Variants in TMPO observed in about 807,000 individuals in gnomAD.
The protein encoded by TMPO is thymopoietin, also known as LEM domain containing 4.
TMPO carries 22 observed loss-of-function variants against 45.4 expected under a neutral mutation model. The observed-to-expected ratio is 0.48, with a 90% confidence interval of 0.35 to 0.69. TMPO has a LOEUF of 0.69. TMPO is among the 30% of genes least tolerant of loss of function. The pLI, the probability that TMPO is intolerant of heterozygous loss-of-function variation, is 0.01. For synonymous variants in TMPO, 241 were observed against 204.1 expected (o/e 1.18, Z -1.54); for missense variants, 512 against 548.8 (o/e 0.93, Z 0.67).
rs968127669 is a variant in TMPO at position 98,516,603 on chromosome 12, ACT to A, written c.279+460_279+461del. On this transcript the variant is annotated intron_variant, in intron 1 of 8. Coordinates refer to ENST00000556029, the MANE Select transcript of TMPO (RefSeq NM_001032283.3). ...CGCTCCCTGGAGGGCAACTGATGAC[ACT>A]CTAATTTCTAACCAAAATTTGAAAT... The A allele has an allele frequency of 3.5e-5, 33 of 950,316 alleles. No homozygotes were observed. The African/African-American group carries it at 4.9e-4, about 14-fold the overall frequency. 58.9% of individuals were successfully genotyped at this position (950,316 alleles called of 1,614,324 possible).
rs1324841132 is a variant in TMPO, at chr12:98,545,072, A to G, written c.990+11A>G. ...TTGACAAGAGCTGAAGTAAATGAAT[A>G]CAATTTAGATCGATGCTATCATTGA... On this transcript the variant is annotated intron_variant, in intron 7 of 8. Transcript: ENST00000556029. The G allele has an allele frequency of 3.3e-6, 5 of 1,528,568 alleles. No homozygotes were observed. Among genetic ancestry groups the G allele is most frequent in the East Asian group, 4.5e-5 (2 of 44,422 alleles). The allele number at this position is 1,528,568 out of a possible 1,614,324, so 94.7% of individuals were successfully genotyped here.
chr12:98,537,787 T>C (rs1434279271), intron 4 of TMPO: 1 of 635,916 alleles, frequency 1.6e-6, no homozygotes, highest in African/African-American at 1.8e-5. Flanking sequence ...GTCTCATTTG[T>C]GTTTGAGTCT....
At chr12:98,545,114 TATAA>T in intron 7 of TMPO, 53 bp downstream of exon 7, 2 of 1,162,710 alleles carry the variant, frequency 1.7e-6, no homozygotes, top group Admixed American at 3.8e-5. Context: ...AAAGAGGAAA[TATAA>T]ATATTTGTTT....
chr12:98,544,703 A>G (rs1226901297), intron 6 of TMPO, 166 bp downstream of exon 6: 3 of 659,170 alleles, frequency 4.6e-6, no homozygotes, highest in South Asian at 1.9e-5. Flanking sequence ...GAATTTTCCT[A>G]TAATATCCAA....
rs201838047 is a variant in TMPO at position 98,527,937 on chromosome 12, G to A, written c.331G>A (p.Asp111Asn). ...CAGACAAGAAGATAAAGATGATCTA[G>A]ATGTAACAGAGCTCACTAATGAAGA... ...KPRQEDKDDL[D>N]VTELTNEDLL... The change falls in exon 2 of 9, where the codon GAT (aspartate) becomes AAT (asparagine). Residue 111 changes from aspartate (D) to asparagine (N), a missense_variant. Transcript: ENST00000556029. 9 of 1,613,908 alleles carry A rather than the reference G, an allele frequency of 5.6e-6. No homozygotes were observed. The highest frequency in any genetic ancestry group is 7.6e-6 in the Non-Finnish European group (9 of 1,179,882).
rs2121208214 is a variant in TMPO, at chr12:98,533,840, C to T, written c.565+2002C>T. On this transcript the variant is annotated intron_variant, in intron 3 of 8. Transcript: ENST00000556029. Reference sequence around the variant, plus strand: ...TATCCAGTTTCTTCCAGGGAGGCAACACAGATATTATCAGTTCCAAAAGTA... The same window carrying T: ...TATCCAGTTTCTTCCAGGGAGGCAATACAGATATTATCAGTTCCAAAAGTA... 9.9e-6 allele frequency: 16 copies of T among 1,614,202 alleles called. No individual in the cohort carries two copies. Among genetic ancestry groups the T allele is most frequent in the Non-Finnish European group, 1.4e-5 (16 of 1,180,028 alleles).
chr12:98,547,369 C>G (rs756396771), intron 8 of TMPO, among the ~76,000 whole-genome samples: 7 of 152,150 alleles, frequency 4.6e-5, no homozygotes, highest in Non-Finnish European at 8.8e-5. Context: ...GCCACCATGC[C>G]CAGCCCATCT....
chr12:98,546,879 T>G (rs942994397), intron 8 of TMPO, among the ~76,000 whole-genome samples: 1 of 152,106 alleles, frequency 6.6e-6, no homozygotes, highest in Non-Finnish European at 1.5e-5. Context: ...AAATAGTTTT[T>G]CCCCCCTAAG....
intron 1 of TMPO, chr12:98,527,525 TAAAA>T (rs145065353): frequency 8.8e-5 from 14 of 159,550 alleles, no homozygotes; most frequent in Middle Eastern, 2.5e-3. Flanking sequence ...CCTGTATCAT[TAAAA>T]AAAAAAAAAA....
At chr12:98,529,832 T>C (rs897033858) in intron 2 of TMPO, among the ~76,000 whole-genome samples, 12 of 152,220 alleles carry the variant, frequency 7.9e-5, no homozygotes, top group African/African-American at 2.7e-4. Flanking sequence ...GTCCTAGGAT[T>C]ACAGGCATGA....
At position 98,533,222 on chromosome 12, in the gene TMPO, A is replaced by G. The variant is rs766401550; in HGVS notation, c.565+1384A>G. 5 of 1,613,972 alleles carry G rather than the reference A, an allele frequency of 3.1e-6. No homozygotes were observed. Among genetic ancestry groups the G allele is most frequent in the African/African-American group, 1.3e-5 (1 of 74,946 alleles). Reference sequence around the variant, plus strand: ...ATTAAAGAAACCACCACTGGTTACTATAAAGACATAGTAGAAAATATTTGC... The same window carrying G: ...ATTAAAGAAACCACCACTGGTTACTGTAAAGACATAGTAGAAAATATTTGC... On this transcript the variant is annotated intron_variant, in intron 3 of 8. Transcript: ENST00000556029.
intron 2 of TMPO, among the ~76,000 whole-genome samples, chr12:98,529,054 A>G (rs983994558): frequency 2.9e-5 from 4 of 139,978 alleles, no homozygotes; most frequent in African/African-American, 1.1e-4. Flanking sequence ...CTAGTACCCT[A>G]TTTTTTTTTT....
intron 3 of TMPO, 88 bp downstream of exon 3, chr12:98,531,926 A>G: frequency 8.9e-7 from 1 of 1,123,188 alleles, no homozygotes; most frequent in Non-Finnish European, 1.3e-6. Context: ...ATTTAAAACA[A>G]TATTGGCAAG....
chr12:98,516,273 C>T (rs960791078), intron 1 of TMPO, 127 bp downstream of exon 1: 13 of 1,250,884 alleles, frequency 1.0e-5, no homozygotes, highest in African/African-American at 1.6e-5. Flanking sequence ...TGTCCCTGCG[C>T]CCCCTCGCGT....
intron 1 of TMPO, among the ~76,000 whole-genome samples, chr12:98,520,704 A>G (rs1396517577): frequency 6.6e-6 from 1 of 151,780 alleles, no homozygotes; most frequent in Non-Finnish European, 1.5e-5. Context: ...GCTCCCTGCA[A>G]GCTCTGCCTA....
chr12:98,523,271 T>C (rs1876509021), intron 1 of TMPO, among the ~76,000 whole-genome samples: 1 of 152,190 alleles, frequency 6.6e-6, no homozygotes, highest in Non-Finnish European at 1.5e-5. Context: ...ACCACATGTT[T>C]GACTGTGTGC....
intron 1 of TMPO, among the ~76,000 whole-genome samples, chr12:98,522,191 A>C (rs1876424438): frequency 6.6e-6 from 1 of 151,966 alleles, no homozygotes; most frequent in Admixed American, 6.6e-5. Context: ...TGATTTTTAA[A>C]ATTTTTATAG....
intron 2 of TMPO, among the ~76,000 whole-genome samples, chr12:98,531,235 CTTTTTTT>C (rs1228236045): frequency 9.5e-4 from 105 of 111,090 alleles, no homozygotes; most frequent in African/African-American, 3.5e-3. Flanking sequence ...CCACCACGTC[CTTTTTTT>C]TTTTTTTTTT....
intron 1 of TMPO, among the ~76,000 whole-genome samples, chr12:98,517,127 G>A (rs995388662): frequency 3.3e-5 from 5 of 152,174 alleles, no homozygotes; most frequent in Non-Finnish European, 5.9e-5. Context: ...ACAAATATTT[G>A]AAAATTGCAG....
Sources: allele counts gnomAD v4.1 joint callset (sites outside exome capture counted in the v4.1 genomes callset), GRCh38; gene constraint gnomAD v4.1.1; transcripts MANE v1.5; gene names NCBI Gene and HGNC (gene_info 2026-07-23, HGNC 2026-07-21).